AFF1: variants seen among roughly 807,000 people sequenced by gnomAD.
The protein encoded by AFF1 is ALF transcription elongation factor 1.
In AFF1, 48 loss-of-function variants were observed where a neutral mutation model predicts 121.7. The ratio of observed to expected loss-of-function variants is 0.39; its 90% CI spans 0.31 to 0.50. The LOEUF (loss-of-function observed/expected upper bound fraction) is 0.50. Ranked by LOEUF, AFF1 falls within the 20% of genes least tolerant of loss-of-function variation. AFF1 has a pLI of 0.76. For missense variants in AFF1, 1,523 were observed against 1,511.7 expected, an observed-to-expected ratio of 1.01 and a Z score of -0.12; for synonymous variants, 613 against 563.0, an observed-to-expected ratio of 1.09 and a Z score of -1.26.
At chr4:87,127,613 G>T in intron 15 of AFF1, 30 bp from the exon 16 acceptor site, 1 of 1,613,448 alleles carries the variant, frequency 6.2e-7, no homozygotes, top group South Asian at 1.1e-5. Flanking sequence ...TGGCTCATAT[G>T]ACCTGTCCCT....
chr4:86,990,668 C>CA (rs1724629797), intron 2 of AFF1, among the ~76,000 whole-genome samples: 1 of 152,044 alleles, frequency 6.6e-6, no homozygotes, highest in African/African-American at 2.4e-5. Context: ...CAAGGTTTAT[C>CA]AAAAAACCAA....
chr4:87,004,469 AATT>A (rs1398503240), intron 2 of AFF1, among the ~76,000 whole-genome samples: 2 of 152,234 alleles, frequency 1.3e-5, no homozygotes, highest in African/African-American at 2.4e-5. Flanking sequence ...AAATTAAAAA[AATT>A]ATTGAGAAAG....
chr4:87,134,202 A>G (rs1240214561), intron 19 of AFF1, among the ~76,000 whole-genome samples: 1 of 152,236 alleles, frequency 6.6e-6, no homozygotes, highest in Non-Finnish European at 1.5e-5. Context: ...ATATGCATAC[A>G]TTACATACAT....
At chr4:87,006,663 G>C (rs1726149489) in intron 2 of AFF1, among the ~76,000 whole-genome samples, 1 of 152,222 alleles carries the variant, frequency 6.6e-6, no homozygotes, top group South Asian at 2.1e-4. Context: ...CCGCCTCTGG[G>C]GGCCCCATAT....
chr4:86,970,975 A>G (rs1722901562), intron 2 of AFF1, among the ~76,000 whole-genome samples: 1 of 152,120 alleles, frequency 6.6e-6, no homozygotes, highest in Non-Finnish European at 1.5e-5. Context: ...GCCGTTGGAA[A>G]GTTGTTGGAG....
chr4:87,096,980 A>G (rs1050956975), intron 8 of AFF1, among the ~76,000 whole-genome samples: 5 of 152,160 alleles, frequency 3.3e-5, no homozygotes, highest in African/African-American at 9.7e-5. Flanking sequence ...ACATTTAAGG[A>G]AGGAGGAGGT....
At chr4:87,088,066 A>G (rs899825773) in intron 5 of AFF1, among the ~76,000 whole-genome samples, 15 of 152,252 alleles carry the variant, frequency 9.9e-5, no homozygotes, top group Non-Finnish European at 1.8e-4. Context: ...TACTCTTACA[A>G]TACTTTGAAA....
intron 12 of AFF1, among the ~76,000 whole-genome samples, chr4:87,122,881 T>TAAAAAAAAAAA (rs3036188): frequency 1.0e-5 from 1 of 96,646 alleles, no homozygotes; most frequent in Non-Finnish European, 1.9e-5. Flanking sequence ...GGAAAATTAG[T>TAAAAAAAAAAA]AAAAAAAAAA....
chr4:87,067,624 A>G (rs975856523), intron 4 of AFF1, among the ~76,000 whole-genome samples: 17 of 152,214 alleles, frequency 1.1e-4, no homozygotes, highest in Non-Finnish European at 1.8e-4. Context: ...TTTAGTGGCA[A>G]TAAGTATTAC....
intron 12 of AFF1, among the ~76,000 whole-genome samples, chr4:87,119,621 C>G (rs1189146453): frequency 6.6e-6 from 1 of 152,142 alleles, no homozygotes; most frequent in African/African-American, 2.4e-5. Context: ...ATGTGTGAGC[C>G]TTGCATTGTT....
intron 2 of AFF1, among the ~76,000 whole-genome samples, chr4:86,954,609 G>T (rs1425318355): frequency 1.3e-5 from 2 of 152,096 alleles, no homozygotes; most frequent in African/African-American, 2.4e-5. Context: ...ACTGACAGGG[G>T]TCCAGGTGGG....
chr4:87,125,174 T>C, intron 13 of AFF1, 31 bp downstream of exon 13: 1 of 1,545,820 alleles, frequency 6.5e-7, no homozygotes. Context: ...CCACCTAATC[T>C]ACGGTGATCA....
intron 18 of AFF1, 35 bp from the exon 19 acceptor site, chr4:87,132,236 G>T (rs897624282): frequency 4.4e-6 from 7 of 1,599,114 alleles, no homozygotes; most frequent in Middle Eastern, 3.3e-4. Flanking sequence ...TAGTATGATA[G>T]TCACGTGCAG....
In AFF1 at chr4:87,127,673, A is replaced by C; in HGVS notation, c.2934A>C (p.Ala978=). Reference sequence around the variant, plus strand: ...AAGCAGACCTTCACATGAGGGAGGCAAAAAAGATGAAGCAGAAAGCAGAGT... The same window carrying C: ...AAGCAGACCTTCACATGAGGGAGGCCAAAAAGATGAAGCAGAAAGCAGAGT... ...KQQADLHMRE[A]KKMKQKAELM... is the part of the protein sequence containing the mutation. Residue 978 remains alanine (A), a synonymous_variant, in exon 16 of 21, where the codon GCA becomes GCC. Coordinates refer to ENST00000395146, the MANE Select transcript of AFF1 (RefSeq NM_001166693.3). The C allele has an allele frequency of 6.2e-7, 1 of 1,614,096 alleles. No individual in the cohort carries two copies. The highest frequency in any genetic ancestry group is 1.1e-5 in the South Asian group (1 of 91,082).
intron 1 of AFF1, among the ~76,000 whole-genome samples, chr4:86,937,696 C>G (rs1446976127): frequency 6.6e-6 from 1 of 151,768 alleles, no homozygotes; most frequent in Non-Finnish European, 1.5e-5. Context: ...ATCCTCCCTC[C>G]TCAGCCTCCC....
In AFF1 at chr4:87,047,488, A is replaced by C. The variant is rs1730828144; in HGVS notation, c.953A>C (p.Lys318Thr). ...DQAPSESPEL[K>T]PLPEDYRQQT... ...GCCCCTAGTGAATCCCCTGAACTGA[A>C]ACCACTGCCGGAGGACTATCGACAG... The change falls in exon 4 of 21, where the codon AAA becomes ACA. Residue 318 changes from lysine (K) to threonine (T), a missense_variant. By Grantham distance (78) the Lys-to-Thr change is moderately conservative (BLOSUM62 -1). Around this residue, in one of 5 missense-constraint regions of AFF1, gnomAD observed 905 missense variants for 842.5 expected, o/e 1.07. Coordinates refer to ENST00000395146, the MANE Select transcript of AFF1 (RefSeq NM_001166693.3). 1 of 1,614,078 alleles carries C rather than the reference A, an allele frequency of 6.2e-7. No homozygotes were observed.
chr4:87,084,477 A>C (rs891053385), intron 5 of AFF1, among the ~76,000 whole-genome samples: 1 of 151,954 alleles, frequency 6.6e-6, no homozygotes, highest in Non-Finnish European at 1.5e-5. Context: ...TGAACCCGAG[A>C]GGTGGAGGCT....
In AFF1 at chr4:87,139,253, C is replaced by T; in HGVS notation, c.*3552C>T. 1 of 232,758 alleles carries T rather than the reference C, an allele frequency of 4.3e-6. No homozygotes were observed. The highest frequency in any genetic ancestry group is 8.5e-6 in the Non-Finnish European group (1 of 117,746). 14.4% of individuals were successfully genotyped at this position (232,758 alleles called of 1,614,324 possible). A position where few individuals can be genotyped will look rare whatever the true frequency, so the allele number is the denominator to read the frequency against. On this transcript the variant is annotated 3_prime_UTR_variant, in exon 21 of 21. Coordinates refer to ENST00000395146, the MANE Select transcript of AFF1 (RefSeq NM_001166693.3). Reference sequence around the variant, plus strand: ...TCAGGGATGCTACATGGCTCTTGCACCTTTTACTCCTCTGCTTTATGAAGT... The same window carrying T: ...TCAGGGATGCTACATGGCTCTTGCATCTTTTACTCCTCTGCTTTATGAAGT...
chr4:86,938,876 A>G (rs1356785352), intron 1 of AFF1, among the ~76,000 whole-genome samples: 35 of 152,220 alleles, frequency 2.3e-4, no homozygotes, highest in Admixed American at 2.3e-3. Flanking sequence ...AGTATTCCCG[A>G]AGGGAAGAAA....
Sources: gnomAD v4.1 joint callset for allele counts (sites outside exome capture counted in the v4.1 genomes callset) on GRCh38, gnomAD v4.1.1 for gene constraint, gnomAD v4.1.1 regional missense constraint, MANE v1.5 for transcripts, NCBI Gene and HGNC (gene_info 2026-07-23, HGNC 2026-07-21) for gene names.